Variants in EPHA4 observed in about 807,000 individuals in gnomAD.
The protein encoded by EPHA4 is ephrin type-A receptor 4.
A neutral mutation model predicts 108.3 loss-of-function variants in EPHA4; 19 were observed. The ratio of observed to expected loss-of-function variants is 0.18; its 90% CI spans 0.12 to 0.26. The LOEUF (loss-of-function observed/expected upper bound fraction) is 0.26. Ranked by LOEUF, EPHA4 falls within the 10% of genes least tolerant of loss-of-function variation. The pLI is 1.00. For synonymous variants in EPHA4, 449 were observed against 455.5 expected (o/e 0.99, Z 0.18); for missense variants, 917 against 1,254.0 (o/e 0.73, Z 4.06).
At chr2:221,504,524 T>C (rs943387206) in intron 3 of EPHA4, among the ~76,000 whole-genome samples, 1 of 125,900 alleles carries the variant, frequency 7.9e-6, no homozygotes, top group Non-Finnish European at 1.6e-5. Flanking sequence ...TGATTACACC[T>C]ACTATTTGAA....
chr2:221,431,349 A>G (rs1690069676), intron 14 of EPHA4, among the ~76,000 whole-genome samples: 1 of 152,242 alleles, frequency 6.6e-6, no homozygotes, highest in Non-Finnish European at 1.5e-5. Flanking sequence ...TTGACTGCTC[A>G]GAAATTGGCC....
At chr2:221,514,630 G>A (rs142123497) in intron 3 of EPHA4, among the ~76,000 whole-genome samples, 46 of 152,250 alleles carry the variant, frequency 3.0e-4, no homozygotes, top group African/African-American at 8.7e-4. Flanking sequence ...CTATCAGGTA[G>A]GTCAGTAAAT....
intron 3 of EPHA4, among the ~76,000 whole-genome samples, chr2:221,534,508 C>T (rs1693607817): frequency 6.6e-6 from 1 of 152,154 alleles, no homozygotes; most frequent in Admixed American, 6.5e-5. Flanking sequence ...CTGGTAAATG[C>T]CTAAATTGGC....
At chr2:221,559,422 T>C (rs1694392335) in intron 3 of EPHA4, among the ~76,000 whole-genome samples, 1 of 152,182 alleles carries the variant, frequency 6.6e-6, no homozygotes, top group South Asian at 2.1e-4. Flanking sequence ...TAATAACGAA[T>C]CTTTTTGGCT....
At chr2:221,484,684 T>C (rs1351163171) in intron 4 of EPHA4, among the ~76,000 whole-genome samples, 24 of 152,208 alleles carry the variant, frequency 1.6e-4, no homozygotes, top group Admixed American at 1.6e-3. Context: ...CTACATAGGA[T>C]GTTAAAATCA....
intron 3 of EPHA4, among the ~76,000 whole-genome samples, chr2:221,558,045 A>G (rs1199625486): frequency 6.6e-6 from 1 of 152,254 alleles, no homozygotes; most frequent in African/African-American, 2.4e-5. Flanking sequence ...TAAATAAAGC[A>G]TGGTATACTT....
Position 221,456,704 on chromosome 2 carries a change from G to A in EPHA4, c.1512C>T (p.Asn504=). 5 of 1,613,974 alleles carry A rather than the reference G, an allele frequency of 3.1e-6. No individual in the cohort carries two copies. The highest frequency in any genetic ancestry group is 4.2e-6 in the Non-Finnish European group (5 of 1,179,910). ...AARNTDIKGL[N]PLTSYVFHVR... Reference sequence around the variant, plus strand: ...CGTGGAAAACATAGGAAGTGAGAGGGTTCAGGCCTTTGATATCTGTGTTCC... The same window carrying A: ...CGTGGAAAACATAGGAAGTGAGAGGATTCAGGCCTTTGATATCTGTGTTCC... Residue 504 remains asparagine, a synonymous_variant, in exon 7 of 18, where the codon AAC becomes AAT. Transcript: ENST00000281821.
intron 3 of EPHA4, among the ~76,000 whole-genome samples, chr2:221,523,830 C>T (rs1693243922): frequency 6.6e-6 from 1 of 151,614 alleles, no homozygotes; most frequent in South Asian, 2.1e-4. Flanking sequence ...CTCCTGAACT[C>T]AAATGACAGC....
intron 5 of EPHA4, among the ~76,000 whole-genome samples, chr2:221,467,430 T>C (rs1691345351): frequency 6.6e-6 from 1 of 152,206 alleles, no homozygotes; most frequent in East Asian, 1.9e-4. Flanking sequence ...AAACACAATA[T>C]TTAGTATACC....
intron 3 of EPHA4, among the ~76,000 whole-genome samples, chr2:221,525,173 C>T (rs926561575): frequency 2.0e-5 from 3 of 152,266 alleles, no homozygotes; most frequent in Non-Finnish European, 4.4e-5. Flanking sequence ...TCAGTGTTCA[C>T]AATGGCCTCA....
intron 4 of EPHA4, among the ~76,000 whole-genome samples, chr2:221,499,752 A>ATTTTTTTT (rs1279174124): frequency 2.7e-4 from 11 of 41,340 alleles, no homozygotes; most frequent in African/African-American, 1.5e-3. Context: ...ATATATATAT[A>ATTTTTTTT]TATATTTTTT....
intron 15 of EPHA4, among the ~76,000 whole-genome samples, chr2:221,428,651 T>C (rs1689983167): frequency 6.6e-6 from 1 of 152,200 alleles, no homozygotes; most frequent in African/African-American, 2.4e-5. Context: ...GGAGGCCTTA[T>C]AGTCATCTAT....
chr2:221,521,999 A>G (rs1422492227), intron 3 of EPHA4, among the ~76,000 whole-genome samples: 1 of 152,130 alleles, frequency 6.6e-6, no homozygotes, highest in Non-Finnish European at 1.5e-5. Context: ...ACAAACAAAC[A>G]AAAAAACAAA....
chr2:221,449,143 G>A (rs1427025413), intron 8 of EPHA4, among the ~76,000 whole-genome samples: 1 of 152,090 alleles, frequency 6.6e-6, no homozygotes, highest in Non-Finnish European at 1.5e-5. Flanking sequence ...AAACCACAAG[G>A]ATTACTGTTG....
At chr2:221,537,504 A>G (rs1693707664) in intron 3 of EPHA4, among the ~76,000 whole-genome samples, 2 of 152,244 alleles carry the variant, frequency 1.3e-5, no homozygotes, top group Admixed American at 6.5e-5. Flanking sequence ...AGAAGGCCCC[A>G]GGCCTGGCAC....
chr2:221,456,817 C>T, intron 6 of EPHA4, 45 bp from the exon 7 acceptor site: 1 of 1,606,542 alleles, frequency 6.2e-7, no homozygotes, highest in Non-Finnish European at 8.5e-7. Flanking sequence ...CAAAATAAAT[C>T]TCCTGCTTAC....
At chr2:221,570,299 G>T (rs913187080) in intron 1 of EPHA4, among the ~76,000 whole-genome samples, 1 of 142,530 alleles carries the variant, frequency 7.0e-6, no homozygotes, top group African/African-American at 2.7e-5. Context: ...TTTTGTCTTG[G>T]GCTCCCAAGT....
At chr2:221,536,910 A>C (rs1693689979) in intron 3 of EPHA4, among the ~76,000 whole-genome samples, 1 of 152,232 alleles carries the variant, frequency 6.6e-6, no homozygotes, top group African/African-American at 2.4e-5. Flanking sequence ...AGTCATGGTG[A>C]CACAATGAAA....
At chr2:221,545,423 T>G (rs752903263) in intron 3 of EPHA4, among the ~76,000 whole-genome samples, 1 of 151,918 alleles carries the variant, frequency 6.6e-6, no homozygotes, top group East Asian at 1.9e-4. Context: ...GAGCCGAGAC[T>G]GCACCACTGC....
Sources: gnomAD v4.1 joint callset for allele counts (sites outside exome capture counted in the v4.1 genomes callset) on GRCh38, gnomAD v4.1.1 for gene constraint, MANE v1.5 for transcripts, NCBI Gene and HGNC (gene_info 2026-07-23, HGNC 2026-07-21) for gene names.